CWC27: variants seen among roughly 807,000 people sequenced by gnomAD.
CWC27 encodes CWC27 spliceosome associated cyclophilin.
A neutral mutation model predicts 63.6 loss-of-function variants in CWC27; 47 were observed. The observed-to-expected ratio is 0.74, with a 90% CI of 0.58 to 0.94. The LOEUF is 0.94. CWC27 is among the 40% of genes least tolerant of loss of function. The pLI is 0.00. For missense variants in CWC27, 495 were observed against 554.3 expected (o/e 0.89, Z 1.07); for synonymous variants, 175 against 179.8 (o/e 0.97, Z 0.22).
chr5:64,945,230 C>T (rs936825896), intron 11 of CWC27, among the ~76,000 whole-genome samples: 20 of 152,124 alleles, frequency 1.3e-4, no homozygotes, highest in African/African-American at 4.6e-4. Flanking sequence ...CCACTTTGTT[C>T]CTTGTGTTAC....
intron 10 of CWC27, among the ~76,000 whole-genome samples, chr5:64,816,530 C>G (rs1745037173): frequency 6.6e-6 from 1 of 152,164 alleles, no homozygotes. Flanking sequence ...CCTGCCTCTT[C>G]CTGTCAGCCT....
At position 64,830,979 on chromosome 5, in the gene CWC27, T is replaced by C. The variant is rs546276213; in HGVS notation, c.938+26593T>C. Among the ~76,000 whole-genome samples the C allele has an allele frequency of 2.9e-3, 442 of 152,240 alleles. 2 individuals are homozygous for C. Among genetic ancestry groups the C allele is most frequent in the Non-Finnish European group, 4.3e-3 (289 of 67,990 alleles). ...GATTAGGGCACATTTAAAAATGATA[T>C]GTCTCAGCTGGTTCTTCAAGGATTT... On this transcript the variant is annotated intron_variant, in intron 10 of 13. Transcript: ENST00000381070.
At chr5:64,952,729 A>AT (rs1748734488) in intron 11 of CWC27, among the ~76,000 whole-genome samples, 1 of 152,078 alleles carries the variant, frequency 6.6e-6, no homozygotes, top group East Asian at 1.9e-4. Context: ...TGTTAATACT[A>AT]TTTGGCAGTG....
chr5:64,986,688 C>G (rs920660919), intron 13 of CWC27, among the ~76,000 whole-genome samples: 1 of 151,870 alleles, frequency 6.6e-6, no homozygotes, highest in Admixed American at 6.6e-5. Flanking sequence ...TATCAGAGCC[C>G]CCCCCGGACT....
chr5:64,940,819 G>C (rs1748459368), intron 11 of CWC27, among the ~76,000 whole-genome samples: 1 of 147,576 alleles, frequency 6.8e-6, no homozygotes, highest in African/African-American at 2.5e-5. Flanking sequence ...GCTCCTTGAA[G>C]CTGGCTTTTT....
At chr5:65,004,861 C>CATATATATATATATATATAT (rs1170127729) in intron 13 of CWC27, among the ~76,000 whole-genome samples, 1 of 45,472 alleles carries the variant, frequency 2.2e-5, no homozygotes, top group Non-Finnish European at 3.9e-5. Context: ...AAGACTTTTT[C>CATATATATATATATATATAT]ATATATATAT....
intron 11 of CWC27, among the ~76,000 whole-genome samples, chr5:64,912,241 AT>A (rs1192521234): frequency 2.0e-5 from 3 of 152,100 alleles, no homozygotes; most frequent in Non-Finnish European, 4.4e-5. Context: ...AGAAAATAAT[AT>A]CCTAAGCATC....
At chr5:65,009,041 G>A (rs1170576810) in intron 13 of CWC27, among the ~76,000 whole-genome samples, 1 of 152,120 alleles carries the variant, frequency 6.6e-6, no homozygotes, top group Admixed American at 6.5e-5. Context: ...CAGCTCTGCA[G>A]GCTATACAAG....
rs1037453038 is a variant in CWC27 at position 64,883,111 on chromosome 5, T to G, written c.939-2332T>G. On this transcript the variant is annotated intron_variant, in intron 10 of 13. Transcript: ENST00000381070. ...ACAGGGTGACAGGAGAGAGAATGAG[T>G]GCCAGCAGTGGAAATACCAAATGCT... Among the ~76,000 whole-genome samples the G allele has an allele frequency of 3.2e-4, 49 of 152,076 alleles. 1 individual carries two copies. The highest frequency in any genetic ancestry group is 5.9e-5 in the Non-Finnish European group (4 of 67,978).
chr5:64,950,077 A>G (rs1042761507), intron 11 of CWC27, among the ~76,000 whole-genome samples: 1 of 152,040 alleles, frequency 6.6e-6, no homozygotes, highest in Non-Finnish European at 1.5e-5. Flanking sequence ...TATTGATTAC[A>G]TAGTGAAATA....
chr5:64,978,738 A>C (rs1749278083), intron 13 of CWC27, among the ~76,000 whole-genome samples: 1 of 151,752 alleles, frequency 6.6e-6, no homozygotes. Flanking sequence ...ATCCATATGC[A>C]TTTTTGAAGG....
intron 10 of CWC27, chr5:64,808,384 C>T (rs1385926554): frequency 2.1e-6 from 2 of 954,274 alleles, no homozygotes; most frequent in Non-Finnish European, 1.2e-6. Context: ...CCTTTTCACA[C>T]TCCTGTAATA....
intron 11 of CWC27, among the ~76,000 whole-genome samples, chr5:64,958,228 A>G (rs189781176): frequency 6.6e-6 from 1 of 152,300 alleles, no homozygotes; most frequent in Non-Finnish European, 1.5e-5. Context: ...GTAAATGTAT[A>G]TAACCCCAAT....
At chr5:64,970,780 A>C (rs571123319) in intron 11 of CWC27, among the ~76,000 whole-genome samples, 1 of 152,176 alleles carries the variant, frequency 6.6e-6, no homozygotes, top group Non-Finnish European at 1.5e-5. Context: ...TTGACCAGAA[A>C]ATCTCTTGAA....
At position 64,807,850 on chromosome 5, in the gene CWC27, G is replaced by A. The variant is rs150065823; in HGVS notation, c.938+3464G>A. 5.0e-4 allele frequency: 762 copies of A among 1,517,106 alleles called. 4 individuals are homozygous for A. The African/African-American group carries it at 9.4e-3, about 19-fold the overall frequency. 94.0% of individuals were successfully genotyped at this position (1,517,106 alleles called of 1,614,324 possible). A position where few individuals can be genotyped will look rare whatever the true frequency, so the allele number is the denominator to read the frequency against. On this transcript the variant is annotated intron_variant, in intron 10 of 13. Coordinates refer to ENST00000381070, the MANE Select transcript of CWC27 (RefSeq NM_005869.4). The stretch of plus-strand genomic sequence containing the variant: ...CGTATTTCTTTCTCTTCCCCGCTTC[G>A]AGAGTAAAAACTAACAAAACCATTC...
chr5:64,812,699 T>A (rs1414435595), intron 10 of CWC27, among the ~76,000 whole-genome samples: 1 of 152,136 alleles, frequency 6.6e-6, no homozygotes, highest in East Asian at 1.9e-4. Flanking sequence ...CAAATATATG[T>A]TATTCGTGTT....
chr5:64,773,907 A>C (rs1743348468), intron 1 of CWC27: 1 of 152,212 alleles, frequency 6.6e-6, no homozygotes, highest in African/African-American at 2.4e-5. Flanking sequence ...TGATTTTAAG[A>C]CATAGTATTT....
At chr5:64,893,136 C>G (rs1747282092) in intron 11 of CWC27, among the ~76,000 whole-genome samples, 1 of 152,218 alleles carries the variant, frequency 6.6e-6, no homozygotes, top group African/African-American at 2.4e-5. Flanking sequence ...TAGATTGTCT[C>G]CAGAGAGGAA....
chr5:64,815,922 T>G (rs1487753174), intron 10 of CWC27, among the ~76,000 whole-genome samples: 1 of 152,164 alleles, frequency 6.6e-6, no homozygotes, highest in Non-Finnish European at 1.5e-5. Flanking sequence ...CCCACTCAAA[T>G]TAGCTCAAGT....
Sources: gnomAD v4.1 joint callset for allele counts (sites outside exome capture counted in the v4.1 genomes callset) on GRCh38, gnomAD v4.1.1 for gene constraint, MANE v1.5 for transcripts, NCBI Gene and HGNC (gene_info 2026-07-23, HGNC 2026-07-21) for gene names.